LCLAT1: variants seen among roughly 807,000 people sequenced by gnomAD.
The protein encoded by LCLAT1 is lysocardiolipin acyltransferase 1.
Under a neutral mutation model 30.7 loss-of-function variants are expected in LCLAT1, and 11 were observed. That is an observed-to-expected ratio of 0.36 (90% confidence interval 0.23 to 0.59). LCLAT1 has a LOEUF of 0.59. Among genes scored for constraint, LCLAT1 ranks in the 20% least tolerant of loss-of-function variants. The pLI, the probability that LCLAT1 is intolerant of heterozygous loss-of-function variation, is 0.77. For missense variants in LCLAT1, 402 were observed against 458.6 expected, an observed-to-expected ratio of 0.88 and a Z score of 1.13; for synonymous variants, 155 against 151.3, an observed-to-expected ratio of 1.02 and a Z score of -0.18.
intron 3 of LCLAT1, among the ~76,000 whole-genome samples, chr2:30,540,115 C>T (rs960033186): frequency 4.6e-5 from 7 of 152,178 alleles, no homozygotes; most frequent in Non-Finnish European, 2.9e-5. Context: ...TCTGTTGTCA[C>T]TCGGTTTCCC....
chr2:30,530,600 T>C (rs1685934906), intron 2 of LCLAT1, among the ~76,000 whole-genome samples: 1 of 152,194 alleles, frequency 6.6e-6, no homozygotes, highest in Non-Finnish European at 1.5e-5. Flanking sequence ...AGCTGGAGTG[T>C]AGTGGTGCAG....
intron 5 of LCLAT1, among the ~76,000 whole-genome samples, chr2:30,613,351 C>T (rs1667830502): frequency 6.6e-6 from 1 of 151,916 alleles, no homozygotes; most frequent in South Asian, 2.1e-4. Flanking sequence ...GGCAGGTGGG[C>T]AAACAGAGAA....
At position 30,494,672 on chromosome 2, in the gene LCLAT1, A is replaced by C. The variant is rs561745288; in HGVS notation, c.-4-30915A>C. ...CCTAACCTATAGTAGGCATTCTTTT[A>C]CTTTTTTTTTTTTTAAACGTCTGCA... On this transcript the variant is annotated intron_variant, in intron 1 of 5. Transcript: ENST00000379509. Among the ~76,000 whole-genome samples the C allele has an allele frequency of 5.0e-4, 72 of 145,034 alleles. 1 individual carries two copies. Among genetic ancestry groups the C allele is most frequent in the Admixed American group, 9.5e-4 (14 of 14,796 alleles).
At chr2:30,622,007 G>C (rs915068580) in intron 5 of LCLAT1, among the ~76,000 whole-genome samples, 1 of 152,296 alleles carries the variant, frequency 6.6e-6, no homozygotes, top group African/African-American at 2.4e-5. Flanking sequence ...TCTCAGTGAG[G>C]GGGGTTGTAG....
intron 1 of LCLAT1, among the ~76,000 whole-genome samples, chr2:30,504,699 C>T (rs942815842): frequency 2.0e-5 from 3 of 152,096 alleles, no homozygotes; most frequent in African/African-American, 4.8e-5. Flanking sequence ...TTCCTCTCCC[C>T]TTCCTTTTCT....
chr2:30,516,212 C>T (rs555293152), intron 1 of LCLAT1, among the ~76,000 whole-genome samples: 1 of 152,128 alleles, frequency 6.6e-6, no homozygotes, highest in Admixed American at 6.5e-5. Context: ...GTGGCAACCC[C>T]CTTTGGATCC....
intron 1 of LCLAT1, among the ~76,000 whole-genome samples, chr2:30,498,696 A>C (rs1684229939): frequency 6.6e-6 from 1 of 152,174 alleles, no homozygotes; most frequent in African/African-American, 2.4e-5. Flanking sequence ...CACTTTCTGC[A>C]GCTGTAAAAT....
intron 1 of LCLAT1, among the ~76,000 whole-genome samples, chr2:30,477,842 A>G (rs373767086): frequency 6.6e-6 from 1 of 152,172 alleles, no homozygotes; most frequent in East Asian, 1.9e-4. Flanking sequence ...GAAAAATCCT[A>G]CCTGACTCTG....
At chr2:30,633,611 G>A (rs1668872362) in intron 5 of LCLAT1, among the ~76,000 whole-genome samples, 1 of 152,182 alleles carries the variant, frequency 6.6e-6, no homozygotes, top group Admixed American at 6.5e-5. Flanking sequence ...CTTGAACCCG[G>A]GAGGCGGAGG....
At chr2:30,635,680 T>G (rs1296292086) in intron 5 of LCLAT1, among the ~76,000 whole-genome samples, 1 of 152,024 alleles carries the variant, frequency 6.6e-6, no homozygotes, top group African/African-American at 2.4e-5. Context: ...AGAACCCAAG[T>G]TGGAAAGAAA....
intron 1 of LCLAT1, among the ~76,000 whole-genome samples, chr2:30,479,083 T>C (rs560200153): frequency 6.6e-6 from 1 of 152,168 alleles, no homozygotes; most frequent in African/African-American, 2.4e-5. Context: ...ATGAATACAT[T>C]TTGGGATATT....
chr2:30,455,580 C>T (rs1572464954), intron 1 of LCLAT1, among the ~76,000 whole-genome samples: 2 of 152,046 alleles, frequency 1.3e-5, no homozygotes, highest in African/African-American at 4.8e-5. Context: ...TTATGGCCTT[C>T]CTTCTCCACT....
At chr2:30,530,672 C>T (rs1028847210) in intron 2 of LCLAT1, among the ~76,000 whole-genome samples, 10 of 152,068 alleles carry the variant, frequency 6.6e-5, no homozygotes, top group African/African-American at 1.4e-4. Context: ...CAGCCTCCTG[C>T]GTAGCTAAGG....
chr2:30,536,314 C>A (rs1225326382), intron 3 of LCLAT1, among the ~76,000 whole-genome samples: 1 of 152,124 alleles, frequency 6.6e-6, no homozygotes, highest in African/African-American at 2.4e-5. Flanking sequence ...TAGGTTGAAG[C>A]TGAAAAGGCC....
intron 3 of LCLAT1, among the ~76,000 whole-genome samples, chr2:30,539,038 C>T (rs1416695216): frequency 1.3e-5 from 2 of 151,472 alleles, no homozygotes; most frequent in Non-Finnish European, 2.9e-5. Flanking sequence ...TGGCTCACTC[C>T]AACCTCCACC....
intron 5 of LCLAT1, among the ~76,000 whole-genome samples, chr2:30,604,429 G>A (rs1667332685): frequency 6.6e-6 from 1 of 152,120 alleles, no homozygotes; most frequent in Admixed American, 6.6e-5. Flanking sequence ...AGGCCATATG[G>A]TCGCTTTCCA....
At chr2:30,605,227 C>T (rs1415424055) in intron 5 of LCLAT1, among the ~76,000 whole-genome samples, 1 of 152,222 alleles carries the variant, frequency 6.6e-6, no homozygotes, top group African/African-American at 2.4e-5. Flanking sequence ...TGTTTGCACA[C>T]AGCCGTATTT....
chr2:30,567,183 A>G (rs1665526290), intron 4 of LCLAT1, among the ~76,000 whole-genome samples: 1 of 152,164 alleles, frequency 6.6e-6, no homozygotes, highest in Non-Finnish European at 1.5e-5. Context: ...GGATTGTTTT[A>G]TAAAAAAATT....
intron 1 of LCLAT1, among the ~76,000 whole-genome samples, chr2:30,458,169 T>A (rs759612537): frequency 6.6e-6 from 1 of 152,220 alleles, no homozygotes; most frequent in Non-Finnish European, 1.5e-5. Flanking sequence ...ATTTCTAATA[T>A]GCAGTGACCT....
Sources: gnomAD v4.1 joint callset for allele counts (sites outside exome capture counted in the v4.1 genomes callset) on GRCh38, gnomAD v4.1.1 for gene constraint, MANE v1.5 for transcripts, NCBI Gene and HGNC (gene_info 2026-07-23, HGNC 2026-07-21) for gene names.